Variants in SHB observed in about 807,000 individuals in gnomAD.
The protein encoded by SHB is SH2 domain-containing adapter protein B.
Under a neutral mutation model 52.3 loss-of-function variants are expected in SHB, and 20 were observed. That is an observed-to-expected ratio of 0.38 (90% CI 0.27 to 0.56). The LOEUF (loss-of-function observed/expected upper bound fraction) is 0.56, where lower values mean the gene tolerates loss of function less well. Ranked by LOEUF, SHB falls within the 20% of genes least tolerant of loss-of-function variation. The probability of loss-of-function intolerance (pLI) is 0.71; values close to 1 mark genes in which losing one functional copy is unlikely to be tolerated. For synonymous variants in SHB, 397 were observed against 316.5 expected (o/e 1.25, Z -2.70); for missense variants, 825 against 723.3 (o/e 1.14, Z -1.61).
chr9:37,971,479 A>T (rs1820589626), intron 3 of SHB, among the ~76,000 whole-genome samples: 1 of 152,140 alleles, frequency 6.6e-6, no homozygotes, highest in South Asian at 2.1e-4. Flanking sequence ...GTCCACAGAC[A>T]TGGGAAGAGA....
chr9:37,920,220 C>T (rs1038061891), intron 5 of SHB, among the ~76,000 whole-genome samples: 3 of 152,032 alleles, frequency 2.0e-5, no homozygotes, highest in Non-Finnish European at 2.9e-5. Flanking sequence ...CAGCAGCAGC[C>T]GCCACTGCTA....
intron 2 of SHB, among the ~76,000 whole-genome samples, 158 bp from the exon 3 acceptor site, chr9:37,974,995 C>T (rs1820638404): frequency 6.6e-6 from 1 of 152,166 alleles, no homozygotes; most frequent in African/African-American, 2.4e-5. Context: ...CCACCAACCC[C>T]CAGTGCCGCG....
intron 4 of SHB, among the ~76,000 whole-genome samples, chr9:37,950,988 A>T (rs1418625464): frequency 2.0e-5 from 3 of 152,210 alleles, no homozygotes; most frequent in Non-Finnish European, 4.4e-5. Context: ...TGCCTCTGAG[A>T]GTTCCGGCAC....
At chr9:37,922,172 C>T (rs953178018) in intron 5 of SHB, among the ~76,000 whole-genome samples, 12 of 152,192 alleles carry the variant, frequency 7.9e-5, no homozygotes, top group African/African-American at 2.7e-4. Context: ...GGGTCACAGC[C>T]GCTGGCGGGA....
At chr9:37,981,881 T>C (rs921016196) in intron 2 of SHB, among the ~76,000 whole-genome samples, 2 of 152,196 alleles carry the variant, frequency 1.3e-5, no homozygotes, top group Admixed American at 6.5e-5. Context: ...TTCGCCATCT[T>C]CTGTGGGTGC....
At chr9:37,984,439 C>T (rs1820779070) in intron 2 of SHB, among the ~76,000 whole-genome samples, 1 of 152,238 alleles carries the variant, frequency 6.6e-6, no homozygotes, top group Non-Finnish European at 1.5e-5. Flanking sequence ...CAGGGAAGGT[C>T]TCATGTATGT....
chr9:38,060,085 T>C (rs1329608833), intron 1 of SHB, among the ~76,000 whole-genome samples: 1 of 152,188 alleles, frequency 6.6e-6, no homozygotes, highest in Non-Finnish European at 1.5e-5. Flanking sequence ...ATTGTGCAGC[T>C]TGAGGTAGTA....
intron 1 of SHB, among the ~76,000 whole-genome samples, chr9:38,046,353 A>C (rs1821651776): frequency 6.6e-6 from 1 of 152,216 alleles, no homozygotes; most frequent in Admixed American, 6.5e-5. Context: ...CAAAGCCTGA[A>C]ATACTATTTG....
intron 1 of SHB, among the ~76,000 whole-genome samples, chr9:38,041,258 C>A (rs941471832): frequency 6.6e-6 from 1 of 152,198 alleles, no homozygotes; most frequent in African/African-American, 2.4e-5. Context: ...AAGGTTCTAC[C>A]CCAGCTCCCT....
At chr9:37,982,639 G>GA (rs59152380) in intron 2 of SHB, among the ~76,000 whole-genome samples, 84,776 of 148,712 alleles carry the variant, frequency 0.57, 24,316 homozygotes, top group East Asian at 0.75. Context: ...AAAAACAGAA[G>GA]AAAAAAAAAA....
At chr9:37,980,514 G>A (rs1820712272) in intron 2 of SHB, among the ~76,000 whole-genome samples, 1 of 152,206 alleles carries the variant, frequency 6.6e-6, no homozygotes, top group African/African-American at 2.4e-5. Flanking sequence ...CTCCACTGAA[G>A]TCTTGAAGGC....
chr9:38,051,313 CAT>C (rs771205528), intron 1 of SHB, among the ~76,000 whole-genome samples: 5,232 of 152,004 alleles, frequency 0.034, 124 homozygotes, highest in Non-Finnish European at 0.052. Flanking sequence ...CATGGTGGCG[CAT>C]GCCTGTAATC....
intron 2 of SHB, chr9:38,015,460 G>C: frequency 1.4e-6 from 1 of 703,088 alleles, no homozygotes; most frequent in South Asian, 1.5e-5. Context: ...CTGGGGGAAT[G>C]TCTCCATGCT....
At chr9:37,939,115 G>C (rs1446438585) in intron 5 of SHB, among the ~76,000 whole-genome samples, 1 of 152,158 alleles carries the variant, frequency 6.6e-6, no homozygotes, top group African/African-American at 2.4e-5. Flanking sequence ...CACACACCCA[G>C]GGCCAGATAG....
chr9:38,039,385 G>A (rs1587258360), intron 1 of SHB, among the ~76,000 whole-genome samples: 1 of 152,244 alleles, frequency 6.6e-6, no homozygotes, highest in South Asian at 2.1e-4. Context: ...AGTGGGAACT[G>A]CTTAGTCATT....
chr9:38,018,506 GA>G lies in SHB; in HGVS notation c.718-2376del, dbSNP rs56253637. On this transcript the variant is annotated intron_variant, in intron 1 of 5. Transcript: ENST00000377707. ...GCTGACAGTTGAAAATCCTTCCATT[GA>G]AAAAAAAAAAAAAGTCTAGAATTCT... Among the ~76,000 whole-genome samples, 125 of 140,400 alleles carry G rather than the reference GA, an allele frequency of 8.9e-4. 2 individuals are homozygous for G. In the East Asian group the frequency reaches 0.011, roughly 13 times the overall value. The allele number at this position is 140,400 out of a possible 152,430, so 92.1% of individuals were successfully genotyped here.
chr9:37,989,150 C>G (rs1820849407), intron 2 of SHB, among the ~76,000 whole-genome samples: 1 of 152,158 alleles, frequency 6.6e-6, no homozygotes, highest in Admixed American at 6.5e-5. Flanking sequence ...ATACATGCCT[C>G]TATGGACAGC....
intron 4 of SHB, among the ~76,000 whole-genome samples, chr9:37,955,002 G>A (rs561881228): frequency 3.0e-3 from 463 of 152,228 alleles, no homozygotes; most frequent in Admixed American, 4.8e-3. Context: ...CCACTGACTG[G>A]AGGTGGGAAA....
chr9:38,042,807 T>C (rs1219714516), intron 1 of SHB, among the ~76,000 whole-genome samples: 1 of 152,152 alleles, frequency 6.6e-6, no homozygotes, highest in Non-Finnish European at 1.5e-5. Context: ...TAATTCTCAC[T>C]ATCCCCACCA....
Sources: gnomAD v4.1 joint callset for allele counts (sites outside exome capture counted in the v4.1 genomes callset) on GRCh38, gnomAD v4.1.1 for gene constraint, MANE v1.5 for transcripts, NCBI Gene and HGNC (gene_info 2026-07-23, HGNC 2026-07-21) for gene names.